Variants in THSD7A observed in about 807,000 individuals in gnomAD.
THSD7A encodes the protein thrombospondin type-1 domain-containing protein 7A.
Under a neutral mutation model 231.3 loss-of-function variants are expected in THSD7A, and 96 were observed. That is an observed-to-expected ratio of 0.41 (90% confidence interval 0.35 to 0.49). The LOEUF (loss-of-function observed/expected upper bound fraction) is 0.49. Among genes scored for constraint, THSD7A ranks in the 20% least tolerant of loss-of-function variants. The probability of loss-of-function intolerance (pLI) is 0.05; values close to 1 mark genes in which losing one functional copy is unlikely to be tolerated. For missense variants in THSD7A, 2,290 were observed against 2,070.2 expected (o/e 1.11, Z -2.06); for synonymous variants, 940 against 743.3 (o/e 1.26, Z -4.30).
intron 23 of THSD7A, among the ~76,000 whole-genome samples, chr7:11,395,427 A>G (rs1783144604): frequency 6.6e-6 from 1 of 152,208 alleles, no homozygotes; most frequent in Non-Finnish European, 1.5e-5. Flanking sequence ...ACAGATAATT[A>G]ATAAGGATAT....
chr7:11,784,139 A>G (rs1368692542), intron 1 of THSD7A, among the ~76,000 whole-genome samples: 1 of 151,974 alleles, frequency 6.6e-6, no homozygotes, highest in East Asian at 1.9e-4. Flanking sequence ...TCTATAAGCT[A>G]TTAATACTGC....
At chr7:11,772,384 A>C (rs570649842) in intron 1 of THSD7A, among the ~76,000 whole-genome samples, 8 of 152,300 alleles carry the variant, frequency 5.3e-5, no homozygotes, top group African/African-American at 1.9e-4. Flanking sequence ...ATATATGCAA[A>C]GGAATATAAA....
intron 1 of THSD7A, among the ~76,000 whole-genome samples, chr7:11,787,983 A>C (rs1044043809): frequency 6.6e-6 from 1 of 152,056 alleles, no homozygotes; most frequent in Non-Finnish European, 1.5e-5. Context: ...TGGAATTCCA[A>C]CTGAATGTTC....
chr7:11,733,160 A>G (rs1344428808), intron 1 of THSD7A, among the ~76,000 whole-genome samples: 1 of 151,862 alleles, frequency 6.6e-6, no homozygotes, highest in Non-Finnish European at 1.5e-5. Context: ...GTCCTGTAAT[A>G]AAAATCAATC....
chr7:11,536,114 A>G (rs1156728614), intron 6 of THSD7A, among the ~76,000 whole-genome samples: 1 of 152,188 alleles, frequency 6.6e-6, no homozygotes, highest in Non-Finnish European at 1.5e-5. Context: ...CAGGTTTTCC[A>G]GCCTTCTGAA....
chr7:11,674,872 G>A (rs1357982149), intron 1 of THSD7A, among the ~76,000 whole-genome samples: 1 of 152,086 alleles, frequency 6.6e-6, no homozygotes, highest in Non-Finnish European at 1.5e-5. Flanking sequence ...AGGAAACTCA[G>A]TGAGATCCAA....
rs371322830 is a variant in THSD7A, at chr7:11,652,983, G to A, written c.191-16022C>T. On this transcript the variant is annotated intron_variant, in intron 1 of 27. Transcript: ENST00000423059. ...TAATTTCCAAAAAAAGCGAATTGAG[G>A]AATAGCTTAATTTTTTAGTAACATC... Among the ~76,000 whole-genome samples, 10 of 151,934 alleles carry A rather than the reference G, an allele frequency of 6.6e-5. No individual in the cohort carries two copies. In the East Asian group the frequency reaches 9.7e-4, roughly 15 times the overall value.
intron 9 of THSD7A, among the ~76,000 whole-genome samples, chr7:11,469,602 T>C (rs1785851414): frequency 6.6e-6 from 1 of 152,186 alleles, no homozygotes; most frequent in Non-Finnish European, 1.5e-5. Flanking sequence ...TCAGAACTAA[T>C]GTGAAAGTAA....
intron 1 of THSD7A, among the ~76,000 whole-genome samples, chr7:11,827,055 G>C (rs1372101631): frequency 6.6e-6 from 1 of 152,002 alleles, no homozygotes; most frequent in Non-Finnish European, 1.5e-5. Context: ...CCAGGCTGGA[G>C]TACAATGGTG....
At chr7:11,766,005 T>G (rs34166970) in intron 1 of THSD7A, among the ~76,000 whole-genome samples, 50,528 of 152,016 alleles carry the variant, frequency 0.33, 10,138 homozygotes, top group Admixed American at 0.44. Context: ...CACCTTTGAG[T>G]GTACACAGTG....
chr7:11,624,099 C>T (rs1244870112), intron 2 of THSD7A, among the ~76,000 whole-genome samples: 1 of 152,040 alleles, frequency 6.6e-6, no homozygotes, highest in African/African-American at 2.4e-5. Context: ...TCAGAAGATA[C>T]AATCAAACTT....
chr7:11,636,225 C>T lies in THSD7A; in HGVS notation c.927G>A (p.Gln309=). 2 of 1,614,020 alleles carry T rather than the reference C, an allele frequency of 1.2e-6. No homozygotes were observed. Among genetic ancestry groups the T allele is most frequent in the Non-Finnish European group, 1.7e-6 (2 of 1,179,900 alleles). ...LIKKKRNRNR[Q]NRQENKYWDI... is the part of the protein sequence containing the mutation. ...CCCAATATTTGTTCTCTTGTCTGTT[C>T]TGCCTGTTTCTGTTTCTCTTTTTCT... Residue 309 remains glutamine, a synonymous_variant, in exon 2 of 28, where the codon CAG becomes CAA. Transcript: ENST00000423059. The surrounding 1 kb of genome is among the most constrained non-coding windows in gnomAD (Gnocchi z 10.0).
At chr7:11,536,669 T>C (rs1308146422) in intron 6 of THSD7A, among the ~76,000 whole-genome samples, 1 of 152,172 alleles carries the variant, frequency 6.6e-6, no homozygotes, top group Non-Finnish European at 1.5e-5. Flanking sequence ...ATTTTGCTTA[T>C]TCATTCCCCC....
intron 1 of THSD7A, among the ~76,000 whole-genome samples, chr7:11,788,176 G>C (rs1292130202): frequency 3.3e-5 from 5 of 151,972 alleles, no homozygotes; most frequent in African/African-American, 1.2e-4. Context: ...CACCATATTT[G>C]TGTCATTAAT....
At chr7:11,644,426 A>G (rs1043089381) in intron 1 of THSD7A, among the ~76,000 whole-genome samples, 1 of 151,962 alleles carries the variant, frequency 6.6e-6, no homozygotes, top group Non-Finnish European at 1.5e-5. Context: ...TCTAAACTAG[A>G]TTTAAATTTC....
intron 4 of THSD7A, among the ~76,000 whole-genome samples, chr7:11,576,404 G>C (rs1303852610): frequency 1.3e-5 from 2 of 152,038 alleles, no homozygotes; most frequent in Admixed American, 1.3e-4. Flanking sequence ...ATCTACTATG[G>C]GGAAATCTAC....
At chr7:11,482,088 CT>C in intron 6 of THSD7A, 106 bp from the exon 7 acceptor site, 1 of 1,278,710 alleles carries the variant, frequency 7.8e-7, no homozygotes, top group Non-Finnish European at 1.1e-6. Flanking sequence ...TTCTTTTGCT[CT>C]TACTTAAAAA....
chr7:11,584,276 T>C (rs1156439235), intron 4 of THSD7A, among the ~76,000 whole-genome samples: 2 of 152,128 alleles, frequency 1.3e-5, no homozygotes, highest in Non-Finnish European at 2.9e-5. Flanking sequence ...AAAATATATA[T>C]GCAATTATTA....
chr7:11,812,529 G>A (rs1232678989), intron 1 of THSD7A, among the ~76,000 whole-genome samples: 1 of 152,066 alleles, frequency 6.6e-6, no homozygotes, highest in African/African-American at 2.4e-5. Context: ...AAAATCTCAA[G>A]AACATGGTAA....
Sources: allele counts gnomAD v4.1 joint callset (sites outside exome capture counted in the v4.1 genomes callset), GRCh38; gene constraint gnomAD v4.1.1; non-coding constraint Gnocchi (gnomAD v3.1); transcripts MANE v1.5; gene names NCBI Gene and HGNC (gene_info 2026-07-23, HGNC 2026-07-21).